ANKRD31: variants seen among roughly 807,000 people sequenced by gnomAD.
ANKRD31 encodes ankyrin repeat domain-containing protein 31.
Under a neutral mutation model 186.0 loss-of-function variants are expected in ANKRD31, and 147 were observed. The ratio of observed to expected loss-of-function variants is 0.79; its 90% confidence interval spans 0.69 to 0.91. The LOEUF is 0.91. Among genes scored for constraint, ANKRD31 ranks in the 40% least tolerant of loss-of-function variants. The pLI, the probability that ANKRD31 is intolerant of heterozygous loss-of-function variation, is 0.00. For missense variants in ANKRD31, 1,986 were observed against 2,148.8 expected (o/e 0.92, Z 1.50); for synonymous variants, 673 against 736.4 (o/e 0.91, Z 1.39).
At position 75,104,227 on chromosome 5, in the gene ANKRD31, C is replaced by A; in HGVS notation, c.5331+1G>T. The A allele has an allele frequency of 6.7e-7, 1 of 1,489,332 alleles. No individual in the cohort carries two copies. Among genetic ancestry groups the A allele is most frequent in the Non-Finnish European group, 8.9e-7 (1 of 1,123,516 alleles). The allele number at this position is 1,489,332 out of a possible 1,614,324, so 92.3% of individuals were successfully genotyped here. A position where few individuals can be genotyped will look rare whatever the true frequency, so the allele number is the denominator to read the frequency against. On this transcript the variant is annotated splice_donor_variant, in intron 22 of 25. Coordinates refer to ENST00000506364, the MANE Select transcript of ANKRD31 (RefSeq NM_001372053.1). LOFTEE classifies it high-confidence loss of function. ...ATTTTAGAGAAAAAAATATAGAATA[C>A]CTGTGTTTTGAATTCCAGAATGTTA... is the stretch of plus-strand genomic sequence containing the variant.
At chr5:75,172,476 T>C (rs1397696898) in intron 10 of ANKRD31, among the ~76,000 whole-genome samples, 1 of 151,030 alleles carries the variant, frequency 6.6e-6, no homozygotes, top group African/African-American at 2.4e-5. Flanking sequence ...ATCAACAAAA[T>C]TGATACACCT....
intron 15 of ANKRD31, among the ~76,000 whole-genome samples, 199 bp downstream of exon 15, chr5:75,143,802 T>A (rs1751228463): frequency 6.6e-6 from 1 of 152,180 alleles, no homozygotes; most frequent in Non-Finnish European, 1.5e-5. Flanking sequence ...TAGAAAGAAG[T>A]ATGACATGAA....
intron 5 of ANKRD31, among the ~76,000 whole-genome samples, chr5:75,203,620 G>T (rs149280707): frequency 0.081 from 11,620 of 143,266 alleles, 596 homozygotes; most frequent in Non-Finnish European, 0.12. Context: ...CAGAGATTGC[G>T]CCACTGCACT....
At chr5:75,230,773 G>A (rs973555288) in intron 1 of ANKRD31, 138 bp from the exon 2 acceptor site, 1 of 562,072 alleles carries the variant, frequency 1.8e-6, no homozygotes. Flanking sequence ...ATTTCAAAGT[G>A]TTATTCAGAA....
intron 10 of ANKRD31, among the ~76,000 whole-genome samples, chr5:75,182,417 T>C (rs1480260897): frequency 6.6e-6 from 1 of 152,104 alleles, no homozygotes; most frequent in African/African-American, 2.4e-5. Context: ...AAAATTAGTT[T>C]CCTAAAGAAG....
intron 10 of ANKRD31, among the ~76,000 whole-genome samples, chr5:75,179,774 T>A (rs1050219329): frequency 2.0e-5 from 3 of 152,154 alleles, no homozygotes; most frequent in African/African-American, 4.8e-5. Context: ...ACAGCCAATA[T>A]CATACTGAAT....
At chr5:75,088,869 C>A (rs767245490) in intron 23 of ANKRD31, among the ~76,000 whole-genome samples, 30 of 152,152 alleles carry the variant, frequency 2.0e-4, no homozygotes, top group Non-Finnish European at 4.0e-4. Context: ...ACAATCGCTA[C>A]GTTGGAAGGG....
intron 10 of ANKRD31, among the ~76,000 whole-genome samples, chr5:75,181,464 A>G (rs1754287372): frequency 6.6e-6 from 1 of 152,176 alleles, no homozygotes; most frequent in Non-Finnish European, 1.5e-5. Flanking sequence ...TATTCACAAT[A>G]GCAAAGACTT....
chr5:75,112,802 T>C (rs1747893099), intron 19 of ANKRD31, among the ~76,000 whole-genome samples: 1 of 152,214 alleles, frequency 6.6e-6, no homozygotes, highest in East Asian at 1.9e-4. Flanking sequence ...CAAACAAATA[T>C]ATTTTGAATT....
chr5:75,112,415 C>T, intron 20 of ANKRD31, 98 bp downstream of exon 20: 2 of 752,100 alleles, frequency 2.7e-6, no homozygotes, highest in Non-Finnish European at 4.0e-6. Context: ...TAGAACACCA[C>T]TTTTTCAGCC....
At chr5:75,070,789 G>A (rs1744163571) in intron 25 of ANKRD31, among the ~76,000 whole-genome samples, 2 of 152,216 alleles carry the variant, frequency 1.3e-5, no homozygotes, top group South Asian at 4.1e-4. Context: ...CTAGGAAAGT[G>A]TCTATTAAAA....
At chr5:75,071,041 C>A (rs1055997677) in intron 25 of ANKRD31, among the ~76,000 whole-genome samples, 3 of 152,134 alleles carry the variant, frequency 2.0e-5, no homozygotes, top group African/African-American at 7.2e-5. Context: ...AAACTGTATT[C>A]CTTAGTTCAC....
intron 20 of ANKRD31, among the ~76,000 whole-genome samples, chr5:75,110,777 C>T (rs553660430): frequency 6.7e-6 from 1 of 148,680 alleles, no homozygotes; most frequent in South Asian, 2.2e-4. Flanking sequence ...TTATTAAACT[C>T]GTAAGGTTAT....
chr5:75,140,259 G>A, intron 15 of ANKRD31, among the ~76,000 whole-genome samples: 4 of 87,824 alleles, frequency 4.6e-5, no homozygotes, highest in African/African-American at 2.0e-4. Flanking sequence ...AGGAAGGAAG[G>A]AAGGAAGGAA....
intron 5 of ANKRD31, among the ~76,000 whole-genome samples, chr5:75,204,815 CTA>C (rs796414378): frequency 3.9e-5 from 6 of 152,284 alleles, no homozygotes; most frequent in African/African-American, 1.4e-4. Flanking sequence ...CAAAAATATC[CTA>C]TGTTTTATAA....
intron 10 of ANKRD31, 90 bp from the exon 11 acceptor site, chr5:75,169,211 T>G: frequency 7.2e-7 from 1 of 1,398,110 alleles, no homozygotes. Context: ...TGATTCTAAG[T>G]TCTTTCTTCA....
chr5:75,120,431 G>A (rs1024548831), intron 17 of ANKRD31, among the ~76,000 whole-genome samples: 2 of 152,096 alleles, frequency 1.3e-5, no homozygotes, highest in African/African-American at 4.8e-5. Flanking sequence ...CTTGCAAGAG[G>A]CAAGCAAGTA....
chr5:75,154,228 G>C lies in ANKRD31; in HGVS notation c.1825C>G (p.Pro609Ala). 6.6e-7 allele frequency: 1 copy of C among 1,526,696 alleles called. No individual in the cohort carries two copies. Among genetic ancestry groups the C allele is most frequent in the Non-Finnish European group, 8.8e-7 (1 of 1,141,482 alleles). 94.6% of individuals were successfully genotyped at this position (1,526,696 alleles called of 1,614,324 possible). ...GATGTAAGGCATTTTTGATGTTTAG[G>C]GATATATCTCTCAAGGAGACGCTTC... Reference protein sequence around the residue: ...CMKRLLERYIPKHQKCLTSAQ... With the variant: ...CMKRLLERYIAKHQKCLTSAQ... Residue 609 changes from proline to alanine, a missense_variant, in exon 12 of 26, where the codon CCT becomes GCT. Coordinates refer to ENST00000506364, the MANE Select transcript of ANKRD31 (RefSeq NM_001372053.1).
At chr5:75,124,600 C>A (rs1252356914) in intron 17 of ANKRD31, among the ~76,000 whole-genome samples, 1 of 151,986 alleles carries the variant, frequency 6.6e-6, no homozygotes, top group Non-Finnish European at 1.5e-5. Flanking sequence ...CACACACGTG[C>A]ATGCACACAC....
Sources: allele counts gnomAD v4.1 joint callset (sites outside exome capture counted in the v4.1 genomes callset), GRCh38; gene constraint gnomAD v4.1.1; transcripts MANE v1.5; gene names NCBI Gene and HGNC (gene_info 2026-07-23, HGNC 2026-07-21).